Variants in SETBP1 observed in about 807,000 individuals in gnomAD.
The protein encoded by SETBP1 is SET binding protein 1, also known as SET-binding protein.
In SETBP1, 9 loss-of-function variants were observed where a neutral mutation model predicts 101.0. The observed-to-expected ratio is 0.09, with a 90% CI of 0.05 to 0.16. The LOEUF (loss-of-function observed/expected upper bound fraction) is 0.16. Ranked by LOEUF, SETBP1 falls within the 10% of genes least tolerant of loss-of-function variation. The pLI, the probability that SETBP1 is intolerant of heterozygous loss-of-function variation, is 1.00. For synonymous variants in SETBP1, 818 were observed against 788.5 expected (o/e 1.04, Z -0.63); for missense variants, 1,858 against 2,033.8 (o/e 0.91, Z 1.66).
intron 4 of SETBP1, among the ~76,000 whole-genome samples, chr18:45,001,636 A>G (rs1166820913): frequency 1.3e-5 from 2 of 152,138 alleles, no homozygotes; most frequent in Non-Finnish European, 2.9e-5. Flanking sequence ...CTCTTGTACC[A>G]TTTGTGCTGG....
At chr18:44,758,705 G>C (rs554285438) in intron 2 of SETBP1, among the ~76,000 whole-genome samples, 57 of 152,298 alleles carry the variant, frequency 3.7e-4, no homozygotes, top group African/African-American at 1.4e-3. Context: ...AAAAGATCTT[G>C]CTGCTGATTT....
chr18:44,768,951 C>G (rs564168010), intron 2 of SETBP1, among the ~76,000 whole-genome samples: 5 of 152,296 alleles, frequency 3.3e-5, no homozygotes, highest in Non-Finnish European at 7.4e-5. Flanking sequence ...AAGAGTTGGA[C>G]AGTGGGACCT....
intron 2 of SETBP1, among the ~76,000 whole-genome samples, chr18:44,746,940 T>A (rs1302044982): frequency 6.6e-6 from 1 of 152,230 alleles, no homozygotes; most frequent in African/African-American, 2.4e-5. Flanking sequence ...GGGTGTGCTA[T>A]GGATGCATAC....
At chr18:44,699,945 G>A (rs1449433717) in intron 1 of SETBP1, among the ~76,000 whole-genome samples, 1 of 152,140 alleles carries the variant, frequency 6.6e-6, no homozygotes, top group Non-Finnish European at 1.5e-5. Flanking sequence ...GGGCACATTT[G>A]CCAGCCACTT....
At chr18:44,900,594 C>T (rs533450973) in intron 3 of SETBP1, among the ~76,000 whole-genome samples, 115 of 152,272 alleles carry the variant, frequency 7.6e-4, no homozygotes, top group African/African-American at 2.7e-3. Context: ...GAGAAAAATT[C>T]GTTCACAATG....
intron 3 of SETBP1, among the ~76,000 whole-genome samples, chr18:44,874,026 G>A (rs1032409659): frequency 5.3e-5 from 8 of 152,178 alleles, no homozygotes; most frequent in Middle Eastern, 3.4e-3. Context: ...CGTGCCACTG[G>A]GATAGCTTCC....
At chr18:44,744,641 G>T (rs1236272868) in intron 2 of SETBP1, among the ~76,000 whole-genome samples, 1 of 152,180 alleles carries the variant, frequency 6.6e-6, no homozygotes, top group South Asian at 2.1e-4. Flanking sequence ...CGCCTGGCGC[G>T]ACGACTGCTG....
chr18:44,899,301 G>A (rs750092298), intron 3 of SETBP1, among the ~76,000 whole-genome samples: 4 of 152,130 alleles, frequency 2.6e-5, no homozygotes, highest in African/African-American at 7.2e-5. Flanking sequence ...CACATTTGTC[G>A]AGTAATTTCC....
At chr18:44,714,269 G>A (rs898812165) in intron 2 of SETBP1, among the ~76,000 whole-genome samples, 4 of 151,896 alleles carry the variant, frequency 2.6e-5, no homozygotes, top group Admixed American at 6.6e-5. Flanking sequence ...CACGATTTCC[G>A]CTCACTGTAA....
rs187216782 is a variant in SETBP1, at chr18:44,714,778, C to T, written c.486+12946C>T. Among the ~76,000 whole-genome samples, 28 of 151,962 alleles carry T rather than the reference C, an allele frequency of 1.8e-4. No individual in the cohort carries two copies. In the East Asian group the frequency reaches 5.0e-3, roughly 27 times the overall value. On this transcript the variant is annotated intron_variant, in intron 2 of 5. Transcript: ENST00000649279. ...TTGCTAAGAAGTATTGATCTCAGGACATTTAGGGAAAAACCCAGGGCACTG... is the reference window on the plus strand; with the variant it reads ...TTGCTAAGAAGTATTGATCTCAGGATATTTAGGGAAAAACCCAGGGCACTG...
chr18:44,750,179 A>G (rs1240978500), intron 2 of SETBP1, among the ~76,000 whole-genome samples: 3 of 152,220 alleles, frequency 2.0e-5, no homozygotes, highest in Non-Finnish European at 2.9e-5. Context: ...ACAAAATATC[A>G]TAGACTGGCT....
intron 2 of SETBP1, among the ~76,000 whole-genome samples, chr18:44,757,472 C>T (rs553661189): frequency 4.5e-4 from 68 of 152,268 alleles, no homozygotes; most frequent in Non-Finnish European, 3.2e-4. Flanking sequence ...CATGAACACA[C>T]GCATACACTT....
intron 4 of SETBP1, among the ~76,000 whole-genome samples, chr18:44,966,838 G>C (rs1599386813): frequency 6.6e-6 from 1 of 152,156 alleles, no homozygotes; most frequent in Non-Finnish European, 1.5e-5. Context: ...GGCAACTTAG[G>C]CTCTTAGATG....
intron 4 of SETBP1, among the ~76,000 whole-genome samples, chr18:44,977,017 G>C (rs2072003655): frequency 6.6e-6 from 1 of 152,188 alleles, no homozygotes; most frequent in African/African-American, 2.4e-5. Context: ...TATATGTAAA[G>C]AACATATTGA....
chr18:44,821,876 G>A (rs982947424), intron 2 of SETBP1, among the ~76,000 whole-genome samples: 6 of 152,344 alleles, frequency 3.9e-5, no homozygotes, highest in South Asian at 4.1e-4. Flanking sequence ...TGTGCTGTCC[G>A]TAGCTAGGAA....
Position 44,875,161 on chromosome 18 carries a change from C to T in SETBP1, c.540+5878C>T, listed in dbSNP as rs115358916. ...TTGATCATGTTTTTCAGAACAAAGT[C>T]ACCATTATCTGACTCAACTCTAAAT... On this transcript the variant is annotated intron_variant, in intron 3 of 5. Coordinates refer to ENST00000649279, the MANE Select transcript of SETBP1 (RefSeq NM_015559.3). Among the ~76,000 whole-genome samples, 228 of 152,216 alleles carry T rather than the reference C, an allele frequency of 1.5e-3. 1 individual carries two copies. Among genetic ancestry groups the T allele is most frequent in the African/African-American group, 5.3e-3 (222 of 41,524 alleles).
intron 2 of SETBP1, among the ~76,000 whole-genome samples, chr18:44,733,616 T>A (rs2069889496): frequency 6.6e-6 from 1 of 152,172 alleles, no homozygotes; most frequent in Admixed American, 6.5e-5. Flanking sequence ...AGGCTGTGAA[T>A]AAACCACTAC....
chr18:44,965,834 C>CT (rs2071710879), intron 4 of SETBP1, among the ~76,000 whole-genome samples: 1 of 152,194 alleles, frequency 6.6e-6, no homozygotes, highest in African/African-American at 2.4e-5. Context: ...GATGAGATCT[C>CT]TAACAGTGGC....
chr18:44,836,237 T>C (rs1462547482), intron 2 of SETBP1, among the ~76,000 whole-genome samples: 1 of 152,218 alleles, frequency 6.6e-6, no homozygotes, highest in Non-Finnish European at 1.5e-5. Context: ...ATCAGCTTTT[T>C]ATAAACACAC....
Sources: gnomAD v4.1 joint callset for allele counts (sites outside exome capture counted in the v4.1 genomes callset) on GRCh38, gnomAD v4.1.1 for gene constraint, MANE v1.5 for transcripts, NCBI Gene and HGNC (gene_info 2026-07-23, HGNC 2026-07-21) for gene names.